The following ERBB4 variants were observed in gnomAD, a reference collection of about 807,000 sequenced individuals.
The protein encoded by ERBB4 is erb-b2 receptor tyrosine kinase 4, also known as receptor tyrosine-protein kinase erbB-4.
Under a neutral mutation model 158.0 loss-of-function variants are expected in ERBB4, and 42 were observed. The ratio of observed to expected loss-of-function variants is 0.27; its 90% CI spans 0.21 to 0.34. The LOEUF (loss-of-function observed/expected upper bound fraction) is 0.34. Ranked by LOEUF, ERBB4 falls within the 10% of genes least tolerant of loss-of-function variation. The pLI is 1.00. For missense variants in ERBB4, 1,333 were observed against 1,624.1 expected, an observed-to-expected ratio of 0.82 and a Z score of 3.08; for synonymous variants, 583 against 558.7, an observed-to-expected ratio of 1.04 and a Z score of -0.61.
chr2:211,410,539 GGAA>G (rs2063236487), intron 25 of ERBB4, among the ~76,000 whole-genome samples: 1 of 152,136 alleles, frequency 6.6e-6, no homozygotes. Context: ...ATTTAACAAT[GGAA>G]AAAGCAGATT....
chr2:211,404,198 T>C (rs1020100148), intron 25 of ERBB4, among the ~76,000 whole-genome samples: 3 of 152,220 alleles, frequency 2.0e-5, no homozygotes, highest in African/African-American at 7.2e-5. Context: ...TCTTGATTTA[T>C]CTCTTTTGTT....
chr2:211,743,776 T>C lies in ERBB4; in HGVS notation c.622+6863A>G, dbSNP rs141853439. Among the ~76,000 whole-genome samples, 86 of 152,322 alleles carry C rather than the reference T, an allele frequency of 5.6e-4. 1 individual carries two copies. In the East Asian group the frequency reaches 0.013, roughly 24 times the overall value. On this transcript the variant is annotated intron_variant, in intron 5 of 27. Transcript: ENST00000342788. ...AAATCAATTTACTTAAGCTGTGCTG[T>C]GGAGCAATGCAGCCACCATTTAACT...
chr2:211,918,742 G>T (rs1366972100), intron 3 of ERBB4, among the ~76,000 whole-genome samples: 1 of 152,074 alleles, frequency 6.6e-6, no homozygotes, highest in Admixed American at 6.6e-5. Flanking sequence ...TTAAGAGCTG[G>T]TGTACAATTT....
intron 20 of ERBB4, among the ~76,000 whole-genome samples, chr2:211,484,284 G>A (rs1380043323): frequency 6.6e-6 from 1 of 152,038 alleles, no homozygotes; most frequent in African/African-American, 2.4e-5. Context: ...TAGCAAGATG[G>A]TAGATCTAAA....
chr2:211,905,375 A>C (rs1487607933), intron 3 of ERBB4, among the ~76,000 whole-genome samples: 1 of 151,866 alleles, frequency 6.6e-6, no homozygotes, highest in Non-Finnish European at 1.5e-5. Context: ...GATGCAGGAT[A>C]ACCTTTCTAT....
At chr2:211,553,502 TA>T (rs1199228517) in intron 20 of ERBB4, among the ~76,000 whole-genome samples, 4 of 152,220 alleles carry the variant, frequency 2.6e-5, no homozygotes. Flanking sequence ...TAAATGACGG[TA>T]TTTTTTACGT....
chr2:212,027,935 G>C (rs1252017917), intron 2 of ERBB4, among the ~76,000 whole-genome samples: 2 of 152,022 alleles, frequency 1.3e-5, no homozygotes, highest in Non-Finnish European at 2.9e-5. Flanking sequence ...CAGAAACAGA[G>C]ATTCAACGTA....
intron 20 of ERBB4, among the ~76,000 whole-genome samples, chr2:211,498,261 C>T (rs921557031): frequency 6.6e-6 from 1 of 152,040 alleles, no homozygotes; most frequent in Non-Finnish European, 1.5e-5. Context: ...TATGCCCTCT[C>T]GTTACATAGA....
chr2:212,113,308 G>A (rs1301257719), intron 2 of ERBB4, among the ~76,000 whole-genome samples: 1 of 152,110 alleles, frequency 6.6e-6, no homozygotes, highest in East Asian at 1.9e-4. Context: ...GGGTGCGGTG[G>A]CTCACGCCTG....
intron 20 of ERBB4, among the ~76,000 whole-genome samples, chr2:211,552,111 C>T (rs978914054): frequency 1.3e-5 from 2 of 151,956 alleles, no homozygotes. Context: ...GTAAAGCGCA[C>T]AGATACCTGT....
intron 20 of ERBB4, among the ~76,000 whole-genome samples, chr2:211,503,938 G>C (rs1360272660): frequency 1.3e-5 from 2 of 152,204 alleles, no homozygotes; most frequent in Admixed American, 6.5e-5. Context: ...AGAGTCCCAT[G>C]CTCTGCCCAT....
chr2:212,315,158 A>G (rs1361077723), intron 1 of ERBB4, among the ~76,000 whole-genome samples: 1 of 151,384 alleles, frequency 6.6e-6, no homozygotes, highest in Non-Finnish European at 1.5e-5. Context: ...ATTTGATTCT[A>G]CTTTACTGCT....
chr2:212,006,368 A>T (rs2076260346), intron 2 of ERBB4, among the ~76,000 whole-genome samples: 1 of 152,118 alleles, frequency 6.6e-6, no homozygotes, highest in Non-Finnish European at 1.5e-5. Context: ...ATTCTAAATT[A>T]ATCTTAAATT....
In ERBB4 at chr2:211,679,052, CCAT is replaced by C; in HGVS notation, c.1619_1621del (p.Asp540del). The C allele has an allele frequency of 6.2e-7, 1 of 1,610,418 alleles. No homozygotes were observed. Among genetic ancestry groups the C allele is most frequent in the South Asian group, 1.1e-5 (1 of 90,948 alleles). ...AAGGCAACCCTAGAAGAAGCCTTAC[CCAT>C]CATAGAGGTTACAAGACTCTATGCA... On this transcript the variant is annotated inframe_deletion and splice_region_variant, in exon 13 of 28. Transcript: ENST00000342788.
At chr2:212,012,135 C>T (rs2076403233) in intron 2 of ERBB4, among the ~76,000 whole-genome samples, 1 of 152,096 alleles carries the variant, frequency 6.6e-6, no homozygotes, top group African/African-American at 2.4e-5. Context: ...GTTCTTATTA[C>T]TACTCAAATT....
chr2:212,412,946 AT>A (rs145122139), intron 1 of ERBB4, among the ~76,000 whole-genome samples: 13,326 of 151,482 alleles, frequency 0.088, 812 homozygotes, highest in Non-Finnish European at 0.14. Flanking sequence ...TATGTAGAGT[AT>A]TTTTTTTCTT....
intron 12 of ERBB4, among the ~76,000 whole-genome samples, chr2:211,695,905 A>G (rs547106646): frequency 1.3e-5 from 2 of 152,262 alleles, no homozygotes; most frequent in South Asian, 4.1e-4. Flanking sequence ...TAGTAACAAT[A>G]TCTAATACAT....
intron 2 of ERBB4, among the ~76,000 whole-genome samples, chr2:212,062,360 C>CT (rs1486810893): frequency 1.4e-5 from 2 of 147,178 alleles, no homozygotes; most frequent in African/African-American, 5.1e-5. Flanking sequence ...CTCACTCCAG[C>CT]TTTCGTCTTC....
At chr2:211,718,364 C>T (rs1483287995) in intron 7 of ERBB4, among the ~76,000 whole-genome samples, 2 of 152,170 alleles carry the variant, frequency 1.3e-5, no homozygotes, top group Non-Finnish European at 2.9e-5. Flanking sequence ...TATCCCTTAT[C>T]CAAAATGCTT....
Sources: gnomAD v4.1 joint callset for allele counts (sites outside exome capture counted in the v4.1 genomes callset) on GRCh38, gnomAD v4.1.1 for gene constraint, MANE v1.5 for transcripts, NCBI Gene and HGNC (gene_info 2026-07-23, HGNC 2026-07-21) for gene names.